Variants in PARVA observed in about 807,000 individuals in gnomAD.
PARVA encodes the protein parvin alpha, also known as alpha-parvin.
PARVA carries 25 observed loss-of-function variants against 52.6 expected under a neutral mutation model. That is an observed-to-expected ratio of 0.48 (90% CI 0.35 to 0.66). PARVA has a LOEUF of 0.66. Ranked by LOEUF, PARVA falls within the 30% of genes least tolerant of loss-of-function variation. The pLI, the probability that PARVA is intolerant of heterozygous loss-of-function variation, is 0.01. For synonymous variants in PARVA, 185 were observed against 179.1 expected (o/e 1.03, Z -0.26); for missense variants, 373 against 450.9 (o/e 0.83, Z 1.56).
intron 1 of PARVA, among the ~76,000 whole-genome samples, chr11:12,395,045 C>G (rs1399786180): frequency 6.8e-6 from 1 of 148,074 alleles, no homozygotes; most frequent in Non-Finnish European, 1.5e-5. Context: ...GAACCAAGGT[C>G]AGGCCATTGC....
chr11:12,392,308 A>G (rs1428081021), intron 1 of PARVA, among the ~76,000 whole-genome samples: 3 of 138,082 alleles, frequency 2.2e-5, no homozygotes, highest in Non-Finnish European at 3.0e-5. Context: ...TTGCTCTGTC[A>G]CTCAGGCTGG....
chr11:12,408,015 G>A (rs1939939212), intron 1 of PARVA, among the ~76,000 whole-genome samples: 1 of 152,160 alleles, frequency 6.6e-6, no homozygotes. Context: ...CTAGAGTCTG[G>A]CTCTTACTTG....
intron 1 of PARVA, among the ~76,000 whole-genome samples, chr11:12,463,966 G>C (rs1940819072): frequency 7.7e-6 from 1 of 130,530 alleles, no homozygotes; most frequent in Non-Finnish European, 1.5e-5. Flanking sequence ...GTGAGCCTCT[G>C]ACATCCCTCC....
chr11:12,401,021 G>A (rs1192244321), intron 1 of PARVA, among the ~76,000 whole-genome samples: 2 of 152,168 alleles, frequency 1.3e-5, no homozygotes, highest in African/African-American at 4.8e-5. Flanking sequence ...ATGAGGAGAT[G>A]TTTATCAATA....
chr11:12,393,043 TGAAAA>T (rs1261804520), intron 1 of PARVA, among the ~76,000 whole-genome samples: 3 of 78,592 alleles, frequency 3.8e-5, no homozygotes, highest in South Asian at 3.7e-4. Context: ...CCCCAAATTG[TGAAAA>T]AAAAAAAAAA....
chr11:12,524,809 A>G (rs1403212474), intron 12 of PARVA, among the ~76,000 whole-genome samples: 5 of 152,262 alleles, frequency 3.3e-5, no homozygotes, highest in Non-Finnish European at 7.3e-5. Flanking sequence ...TCTGTGTTCA[A>G]GGAACCTACA....
intron 12 of PARVA, among the ~76,000 whole-genome samples, chr11:12,519,225 A>G (rs1056797802): frequency 2.0e-5 from 3 of 152,208 alleles, no homozygotes; most frequent in Non-Finnish European, 2.9e-5. Flanking sequence ...TGAGAATGCC[A>G]TCTGTGGCCC....
intron 1 of PARVA, among the ~76,000 whole-genome samples, chr11:12,422,899 A>C (rs186749394): frequency 1.3e-5 from 2 of 152,170 alleles, no homozygotes; most frequent in East Asian, 3.9e-4. Context: ...TCTGTTGCCC[A>C]GGCTGGAGTG....
At chr11:12,407,169 A>G (rs868535790) in intron 1 of PARVA, among the ~76,000 whole-genome samples, 35 of 152,328 alleles carry the variant, frequency 2.3e-4, no homozygotes, top group African/African-American at 7.9e-4. Context: ...TTGGGCCAAT[A>G]TCATTAGTAT....
At chr11:12,468,471 C>T (rs145130502) in intron 1 of PARVA, among the ~76,000 whole-genome samples, 2,545 of 152,234 alleles carry the variant, frequency 0.017, 39 homozygotes, top group Non-Finnish European at 0.022. Flanking sequence ...TCTTCATGAA[C>T]AAAAATCAGG....
chr11:12,376,502 G>C (rs1053994463), upstream of PARVA, among the ~76,000 whole-genome samples: 4 of 152,186 alleles, frequency 2.6e-5, no homozygotes, highest in Non-Finnish European at 4.4e-5. Flanking sequence ...CATCAGTCAC[G>C]AGCACAACTT....
chr11:12,497,334 AAAGAT>A (rs1164413379), intron 5 of PARVA, among the ~76,000 whole-genome samples: 1 of 152,220 alleles, frequency 6.6e-6, no homozygotes, highest in Non-Finnish European at 1.5e-5. Context: ...TAGATTAATA[AAAGAT>A]TAGATTAGAC....
intron 1 of PARVA, among the ~76,000 whole-genome samples, chr11:12,435,722 C>A (rs1460746178): frequency 1.3e-5 from 2 of 152,160 alleles, no homozygotes. Context: ...AATTTAGAAT[C>A]CCTCTCTCCT....
In PARVA at chr11:12,531,068, A is replaced by G. The variant is rs1314508513; in HGVS notation, c.*3143A>G. On this transcript the variant is annotated 3_prime_UTR_variant, in exon 13 of 13. Transcript: ENST00000334956. ...GGTTTCATTTTTATATATTACCAGG[A>G]CTACGAATTTGTAATCCACTAAGCA... Among the ~76,000 whole-genome samples, 1 of 152,174 alleles carries G rather than the reference A, an allele frequency of 6.6e-6. No individual in the cohort carries two copies. The highest frequency in any genetic ancestry group is 1.5e-5 in the Non-Finnish European group (1 of 68,042).
intron 1 of PARVA, among the ~76,000 whole-genome samples, chr11:12,383,100 A>G (rs1181309263): frequency 6.6e-6 from 1 of 152,170 alleles, no homozygotes; most frequent in Non-Finnish European, 1.5e-5. Flanking sequence ...TTTTCCCAAG[A>G]TGACACATTT....
intron 1 of PARVA, among the ~76,000 whole-genome samples, chr11:12,429,451 A>G (rs921573926): frequency 2.0e-4 from 30 of 152,248 alleles, no homozygotes; most frequent in African/African-American, 7.2e-4. Flanking sequence ...AGTTAATTAT[A>G]AACTTCACTG....
intron 1 of PARVA, among the ~76,000 whole-genome samples, chr11:12,460,954 T>C (rs1160641569): frequency 6.6e-6 from 1 of 152,200 alleles, no homozygotes; most frequent in Non-Finnish European, 1.5e-5. Flanking sequence ...AAGAGTACGC[T>C]GCTCTCAGGA....
intron 1 of PARVA, among the ~76,000 whole-genome samples, chr11:12,436,168 G>A (rs1940384834): frequency 6.6e-6 from 1 of 152,150 alleles, no homozygotes; most frequent in Non-Finnish European, 1.5e-5. Context: ...CTCTTCTGAG[G>A]ATTAGGGATA....
At chr11:12,471,380 T>TAAAA (rs1564855497) in intron 1 of PARVA, among the ~76,000 whole-genome samples, 2 of 152,334 alleles carry the variant, frequency 1.3e-5, no homozygotes, top group South Asian at 2.1e-4. Flanking sequence ...AAAAATTTTA[T>TAAAA]TTTTTAACTT....
Sources: gnomAD v4.1 joint callset for allele counts (sites outside exome capture counted in the v4.1 genomes callset) on GRCh38, gnomAD v4.1.1 for gene constraint, MANE v1.5 for transcripts, NCBI Gene and HGNC (gene_info 2026-07-23, HGNC 2026-07-21) for gene names.